The following SCN1A variants were observed in gnomAD, a reference collection of about 807,000 sequenced individuals.
The protein encoded by SCN1A is sodium channel protein type 1 subunit alpha.
Under a neutral mutation model 193.7 loss-of-function variants are expected in SCN1A, and 13 were observed. The observed-to-expected ratio is 0.07, with a 90% confidence interval of 0.04 to 0.11. The LOEUF is 0.11. Among genes scored for constraint, SCN1A ranks in the 10% least tolerant of loss-of-function variants. SCN1A has a pLI of 1.00. For synonymous variants in SCN1A, 781 were observed against 843.6 expected (o/e 0.93, Z 1.29); for missense variants, 1,432 against 2,451.1 (o/e 0.58, Z 8.78).
At chr2:166,114,304 A>G (rs1044242302) in intron 2 of SCN1A, among the ~76,000 whole-genome samples, 5 of 152,316 alleles carry the variant, frequency 3.3e-5, no homozygotes, top group South Asian at 2.1e-4. Context: ...TGAGAGTATT[A>G]AAGAACTAGC....
upstream of SCN1A, among the ~76,000 whole-genome samples, chr2:166,131,622 T>G (rs1456438378): frequency 1.3e-5 from 2 of 152,202 alleles, no homozygotes; most frequent in Non-Finnish European, 2.9e-5. Flanking sequence ...CCATTAGATC[T>G]TGAAAGAGTT....
upstream of SCN1A, among the ~76,000 whole-genome samples, chr2:166,130,410 G>A (rs1574635118): frequency 6.6e-6 from 1 of 152,132 alleles, no homozygotes; most frequent in Non-Finnish European, 1.5e-5. Context: ...AAGGCACAAC[G>A]CATTCAGTGT....
At chr2:166,111,958 C>T (rs1025989386) in intron 2 of SCN1A, among the ~76,000 whole-genome samples, 16 of 152,134 alleles carry the variant, frequency 1.1e-4, no homozygotes, top group South Asian at 2.1e-4. Flanking sequence ...TTCTTATAGA[C>T]GAGCAAAGAA....
intron 1 of SCN1A, among the ~76,000 whole-genome samples, chr2:166,144,568 AG>A (rs143517779): frequency 0.041 from 6,177 of 152,254 alleles, 698 homozygotes; most frequent in Admixed American, 0.24. Context: ...ATGATAAGTC[AG>A]GTAAAATGCA....
chr2:165,988,666 T>C lies in SCN1A; in HGVS notation c.*2579A>G, dbSNP rs1212538771. ...TGGTGCTTCTCATTGGCCAAACCAA[T>C]TGGGAGCTCAAAGGTAGGAGAGCCC... On this transcript the variant is annotated 3_prime_UTR_variant, in exon 29 of 29. Coordinates refer to ENST00000674923, the MANE Select transcript of SCN1A (RefSeq NM_001165963.4). 2 of 152,132 alleles carry C rather than the reference T, an allele frequency of 1.3e-5. No individual in the cohort carries two copies. Among genetic ancestry groups the C allele is most frequent in the Non-Finnish European group, 2.9e-5 (2 of 68,044 alleles). The allele number at this position is 152,132 out of a possible 1,614,324, so 9.4% of individuals were successfully genotyped here.
chr2:166,111,509 T>A (rs1689293411), intron 2 of SCN1A, among the ~76,000 whole-genome samples: 1 of 152,014 alleles, frequency 6.6e-6, no homozygotes, highest in Non-Finnish European at 1.5e-5. Flanking sequence ...CTGATGGAGA[T>A]GTACAAGGAG....
rs559114893 is a variant in SCN1A, at chr2:166,008,425, A to AT, written c.4002+1293dup. 2.9e-3 allele frequency among the ~76,000 whole-genome samples: 445 copies of AT among 151,064 alleles called. 3 individuals carry two copies. The highest frequency in any genetic ancestry group is 0.01 in the Middle Eastern group (3 of 294). ...TTCAAGTAGAATGTACACAAATGACATTTTTTTTCTCCAGAACTGAAACTG... is the reference window on the plus strand; with the variant it reads ...TTCAAGTAGAATGTACACAAATGACATTTTTTTTTCTCCAGAACTGAAACTG... On this transcript the variant is annotated intron_variant, in intron 23 of 28. Transcript: ENST00000674923.
At chr2:166,136,020 G>A (rs1425067771) in intron 1 of SCN1A, among the ~76,000 whole-genome samples, 4 of 152,186 alleles carry the variant, frequency 2.6e-5, no homozygotes, top group Admixed American at 6.5e-5. Context: ...TGCTCATTAT[G>A]GGTTGTTGAA....
At chr2:166,035,998 A>G (rs745635028) in intron 19 of SCN1A, 50 bp downstream of exon 19, 3 of 1,554,702 alleles carry the variant, frequency 1.9e-6, no homozygotes, top group East Asian at 2.2e-5. Flanking sequence ...ATGTGTGTAT[A>G]TGTATATATG....
chr2:165,989,578 C>T lies in SCN1A; in HGVS notation c.*1667G>A, dbSNP rs915361580. Reference sequence around the variant, plus strand: ...TGCAAAGCATAATTTGGATATGAATCGTGAACCTATTTTGCTCCTTAAAAT... The same window carrying T: ...TGCAAAGCATAATTTGGATATGAATTGTGAACCTATTTTGCTCCTTAAAAT... On this transcript the variant is annotated 3_prime_UTR_variant, in exon 29 of 29. Coordinates refer to ENST00000674923, the MANE Select transcript of SCN1A (RefSeq NM_001165963.4). 27 of 152,386 alleles carry T rather than the reference C, an allele frequency of 1.8e-4. No individual in the cohort carries two copies. Among genetic ancestry groups the T allele is most frequent in the African/African-American group, 6.0e-4 (25 of 41,540 alleles). The allele number at this position is 152,386 out of a possible 1,614,324, so 9.4% of individuals were successfully genotyped here.
chr2:166,129,071 A>G (rs879406963), upstream of SCN1A, among the ~76,000 whole-genome samples: 10 of 152,158 alleles, frequency 6.6e-5, no homozygotes, highest in African/African-American at 2.4e-4. Context: ...TCATTTATCA[A>G]TATAACCTTC....
intron 19 of SCN1A, among the ~76,000 whole-genome samples, chr2:166,030,854 T>C (rs1267232184): frequency 6.6e-6 from 1 of 152,108 alleles, no homozygotes; most frequent in African/African-American, 2.4e-5. Flanking sequence ...TAAAATACTA[T>C]CCAAAACCAA....
chr2:166,066,609 T>C (rs1683865353), intron 4 of SCN1A, among the ~76,000 whole-genome samples: 2 of 152,306 alleles, frequency 1.3e-5, no homozygotes, highest in Middle Eastern at 3.4e-3. Context: ...CCAATTTTAG[T>C]ATTGGAATTT....
chr2:166,000,114 G>A, intron 24 of SCN1A: 1 of 307,996 alleles, frequency 3.2e-6, no homozygotes, highest in Non-Finnish European at 6.2e-6. Context: ...CCAACACATG[G>A]GTCAATAGCT....
intron 19 of SCN1A, among the ~76,000 whole-genome samples, chr2:166,023,845 G>A (rs568524142): frequency 3.8e-4 from 57 of 151,584 alleles, no homozygotes; most frequent in African/African-American, 1.3e-3. Flanking sequence ...GCGCAATCTC[G>A]GCTCACTGTG....
intron 5 of SCN1A, among the ~76,000 whole-genome samples, chr2:166,058,269 T>C (rs1699317590): frequency 1.3e-5 from 2 of 152,084 alleles, no homozygotes; most frequent in South Asian, 4.1e-4. Flanking sequence ...ATGGTAGAGG[T>C]AAACATGGTT....
At chr2:166,105,909 C>T (rs999324404) in intron 2 of SCN1A, among the ~76,000 whole-genome samples, 6 of 152,288 alleles carry the variant, frequency 3.9e-5, no homozygotes, top group East Asian at 3.9e-4. Flanking sequence ...GAAACCGGGC[C>T]GGGCGCGGTG....
intron 1 of SCN1A, among the ~76,000 whole-genome samples, chr2:166,144,186 T>C (rs1179890560): frequency 1.3e-5 from 2 of 152,248 alleles, no homozygotes; most frequent in Non-Finnish European, 2.9e-5. Context: ...AGGAACTACA[T>C]AGCAATAACA....
chr2:166,045,360 C>T, intron 12 of SCN1A, 33 bp from the exon 13 acceptor site: 1 of 1,608,360 alleles, frequency 6.2e-7, no homozygotes, highest in Non-Finnish European at 8.5e-7. Context: ...TAACATAGCA[C>T]CTGAAGAGAC....
Sources: gnomAD v4.1 joint callset for allele counts (sites outside exome capture counted in the v4.1 genomes callset) on GRCh38, gnomAD v4.1.1 for gene constraint, MANE v1.5 for transcripts, NCBI Gene and HGNC (gene_info 2026-07-23, HGNC 2026-07-21) for gene names.